Variants in B4GALT3 observed in about 807,000 individuals in gnomAD.
B4GALT3 encodes the protein N-acetyllactosamine synthase.
A neutral mutation model predicts 40.7 loss-of-function variants in B4GALT3; 29 were observed. The ratio of observed to expected loss-of-function variants is 0.71; its 90% CI spans 0.53 to 0.97. B4GALT3 has a LOEUF of 0.97. Ranked by LOEUF, B4GALT3 falls within the 50% of genes least tolerant of loss-of-function variation. B4GALT3 has a pLI of 0.00. For synonymous variants in B4GALT3, 182 were observed against 203.9 expected, an observed-to-expected ratio of 0.89 and a Z score of 0.92; for missense variants, 390 against 522.3, an observed-to-expected ratio of 0.75 and a Z score of 2.47.
Position 161,171,352 on chromosome 1 carries a change from G to A in B4GALT3, c.*464C>T. The A allele has an allele frequency of 8.9e-7, 1 of 1,118,058 alleles. No homozygotes were observed. The highest frequency in any genetic ancestry group is 2.6e-5 in the East Asian group (1 of 38,778). The allele number at this position is 1,118,058 out of a possible 1,614,324, so 69.3% of individuals were successfully genotyped here. A position where few individuals can be genotyped will look rare whatever the true frequency, so the allele number is the denominator to read the frequency against. ...TATTAGAAAATATATCAAAATCCCA[G>A]CCCCCTGAGCCAGGACCAGAAGAGG... is the stretch of plus-strand genomic sequence containing the variant. On this transcript the variant is annotated 3_prime_UTR_variant, in exon 8 of 8. Coordinates refer to ENST00000319769, the MANE Select transcript of B4GALT3 (RefSeq NM_003779.4).
chr1:161,176,415 A>C lies in B4GALT3; in HGVS notation c.-15+19T>G, dbSNP rs959269381. On this transcript the variant is annotated intron_variant, in intron 2 of 7. Transcript: ENST00000319769. ...GAGAACCCCCTCTTCCAATTTTAGA[A>C]GGGAAGAGATAGACTCACCTAGGTT... 2.5e-6 allele frequency: 1 copy of C among 403,006 alleles called. No individual in the cohort carries two copies. The highest frequency in any genetic ancestry group is 2.0e-5 in the African/African-American group (1 of 49,556). The allele number at this position is 403,006 out of a possible 1,614,324, so 25.0% of individuals were successfully genotyped here. A position where few individuals can be genotyped will look rare whatever the true frequency, so the allele number is the denominator to read the frequency against.
In B4GALT3 at chr1:161,174,084, G is replaced by A. The variant is rs146996565; in HGVS notation, c.490-35C>T. 15 of 1,600,186 alleles carry A rather than the reference G, an allele frequency of 9.4e-6. No individual in the cohort carries two copies. The African/African-American group carries it at 2.0e-4, about 21-fold the overall frequency. Reference sequence around the variant, plus strand: ...AATGGAGGGGAACCAGACTATGTCTGTAGGTGGCACGGAGAAAAGGGGGCT... The same window carrying A: ...AATGGAGGGGAACCAGACTATGTCTATAGGTGGCACGGAGAAAAGGGGGCT... On this transcript the variant is annotated intron_variant, in intron 4 of 7. Transcript: ENST00000319769.
rs545793396 is a variant in B4GALT3 at position 161,176,543 on chromosome 1, G to T, written c.-124C>A. ...GAAATGTCACAGAGGGCAGAGAAAGGCTCCATCCAGCACTCCAGCAGCGAA... is the reference window on the plus strand; with the variant it reads ...GAAATGTCACAGAGGGCAGAGAAAGTCTCCATCCAGCACTCCAGCAGCGAA... On this transcript the variant is annotated 5_prime_UTR_variant, in exon 2 of 8. Coordinates refer to ENST00000319769, the MANE Select transcript of B4GALT3 (RefSeq NM_003779.4). The T allele has an allele frequency of 2.6e-4, 115 of 446,958 alleles. 1 individual carries two copies. The South Asian group carries it at 3.1e-3, about 12-fold the overall frequency. The allele number at this position is 446,958 out of a possible 1,614,324, so 27.7% of individuals were successfully genotyped here. A position where few individuals can be genotyped will look rare whatever the true frequency, so the allele number is the denominator to read the frequency against.
intron 4 of B4GALT3, 97 bp from the exon 5 acceptor site, chr1:161,174,146 G>A (rs562984900): frequency 1.1e-4 from 145 of 1,316,728 alleles, no homozygotes; most frequent in South Asian, 2.6e-4. Context: ...GGTGGCTTAC[G>A]CCTGTAATCC....
chr1:161,172,455 G>A, intron 6 of B4GALT3, 124 bp from the exon 7 acceptor site: 1 of 785,584 alleles, frequency 1.3e-6, no homozygotes, highest in African/African-American at 1.8e-5. Context: ...AAAAAGCCCA[G>A]GACAGAAGTC....
intron 4 of B4GALT3, 69 bp from the exon 5 acceptor site, chr1:161,174,118 A>T: frequency 6.5e-7 from 1 of 1,537,024 alleles, no homozygotes; most frequent in Non-Finnish European, 8.8e-7. Context: ...CTAAAGAATA[A>T]AAGTGAAGGC....
Position 161,171,881 on chromosome 1 carries a change from G to A in B4GALT3, c.1117C>T (p.Arg373Trp), listed in dbSNP as rs764183520. 4.6e-5 allele frequency: 75 copies of A among 1,614,166 alleles called. 2 individuals are homozygous for A. In the Middle Eastern group the frequency reaches 1.8e-3, roughly 39 times the overall value. Residue 373 changes from arginine (R) to tryptophan (W), a missense_variant, in exon 8 of 8, where the codon CGG becomes TGG. Physicochemically the swap from Arg to Trp is moderately radical, Grantham distance 101. Around this residue, in one of 3 missense-constraint regions of B4GALT3, gnomAD observed 72 missense variants for 71.3 expected, o/e 1.01. Coordinates refer to ENST00000319769, the MANE Select transcript of B4GALT3 (RefSeq NM_003779.4). ...AGAGGCCCAGGCCTGGCTGGGGGCC[G>A]GCGTTGCAGCATCTCTTGACGGAAG... ...QAFRQEMLQR[R>W]PPARPGPLST... is the part of the protein sequence containing the mutation.
rs779168719 is a variant in B4GALT3, at chr1:161,173,546, T to C, written c.803+59A>G. ...GTTGAAGGGCTATGGTCAAAGGTGG[T>C]CTTAGAGGACAGGGATCCAGACTGG... On this transcript the variant is annotated intron_variant, in intron 6 of 7. Coordinates refer to ENST00000319769, the MANE Select transcript of B4GALT3 (RefSeq NM_003779.4). 930 of 1,610,328 alleles carry C rather than the reference T, an allele frequency of 5.8e-4. 2 individuals are homozygous for C. Among genetic ancestry groups the C allele is most frequent in the Non-Finnish European group, 7.1e-4 (842 of 1,178,750 alleles).
intron 4 of B4GALT3, 193 bp downstream of exon 4, chr1:161,174,800 A>AT (rs1238323409): frequency 1.1e-5 from 7 of 612,712 alleles, no homozygotes; most frequent in Non-Finnish European, 2.0e-5. Context: ...GACAGTGGGA[A>AT]TAACCTAAGC....
chr1:161,174,113 G>A lies in B4GALT3; in HGVS notation c.490-64C>T. On this transcript the variant is annotated intron_variant, in intron 4 of 7. Coordinates refer to ENST00000319769, the MANE Select transcript of B4GALT3 (RefSeq NM_003779.4). ...GTGGCACGGAGAAAAGGGGGCTAAA[G>A]AATAAAAGTGAAGGCCGGGCGCGGT... 3.2e-6 allele frequency: 5 copies of A among 1,546,108 alleles called. No individual in the cohort carries two copies. The South Asian group carries it at 3.6e-5, about 11-fold the overall frequency.
rs562511110 is a variant in B4GALT3 at position 161,176,413 on chromosome 1, G to T, written c.-15+21C>A. On this transcript the variant is annotated intron_variant, in intron 2 of 7. Transcript: ENST00000319769. The stretch of plus-strand genomic sequence containing the variant: ...TAGAGAACCCCCTCTTCCAATTTTA[G>T]AAGGGAAGAGATAGACTCACCTAGG... 123 of 403,744 alleles carry T rather than the reference G, an allele frequency of 3.0e-4. 3 individuals carry two copies. In the South Asian group the frequency reaches 3.1e-3, roughly 10 times the overall value. The allele number at this position is 403,744 out of a possible 1,614,324, so 25.0% of individuals were successfully genotyped here. A position where few individuals can be genotyped will look rare whatever the true frequency, so the allele number is the denominator to read the frequency against.
chr1:161,172,170 G>C, intron 7 of B4GALT3, 57 bp downstream of exon 7: 1 of 1,611,978 alleles, frequency 6.2e-7, no homozygotes, highest in Non-Finnish European at 8.5e-7. Flanking sequence ...CCTGGCTAGG[G>C]GTACAGAACC....
At chr1:161,175,291 G>GT in intron 3 of B4GALT3, 63 bp from the exon 4 acceptor site, 1 of 1,446,364 alleles carries the variant, frequency 6.9e-7, no homozygotes, top group Non-Finnish European at 9.6e-7. Context: ...TCAAACTAGG[G>GT]TTTGGGAATA....
Position 161,173,616 on chromosome 1 carries a change from G to A in B4GALT3, c.792C>T (p.Asp264=), listed in dbSNP as rs768145063. 6.2e-7 allele frequency: 1 copy of A among 1,614,064 alleles called. No individual in the cohort carries two copies. The highest frequency in any genetic ancestry group is 8.5e-7 in the Non-Finnish European group (1 of 1,180,014). ...EYWGWGGEDD[D]IATRVRLAGM... ...GCAGGAAGTCTGACCTGGTAGCAAT[G>A]TCGTCATCCTCACCACCCCAGCCCC... The change falls in exon 6 of 8, where the codon GAC becomes GAT. Residue 264 remains aspartate (D), a synonymous_variant. Transcript: ENST00000319769.
intron 6 of B4GALT3, among the ~76,000 whole-genome samples, chr1:161,172,666 T>G (rs1194185329): frequency 6.9e-6 from 1 of 143,986 alleles, no homozygotes; most frequent in Non-Finnish European, 1.5e-5. Context: ...AAGAGAAGAC[T>G]GGGAGTTGCT....
intron 4 of B4GALT3, chr1:161,174,787 T>C (rs1272156324): frequency 3.4e-6 from 2 of 593,236 alleles, no homozygotes; most frequent in Non-Finnish European, 5.9e-6. Flanking sequence ...CAGGAGAGTG[T>C]AGGACAGTGG....
intron 4 of B4GALT3, among the ~76,000 whole-genome samples, chr1:161,174,315 G>A (rs1186497354): frequency 3.3e-5 from 5 of 151,638 alleles, no homozygotes; most frequent in African/African-American, 4.8e-5. Context: ...GCTGAGGCAG[G>A]AGAATGGCGT....
Position 161,173,855 on chromosome 1 carries a change from C to A in B4GALT3, c.680+4G>T. On this transcript the variant is annotated splice_donor_region_variant and intron_variant, in intron 5 of 7. Transcript: ENST00000319769. ...GTTTCCCAGTACCCTTCCATGCCCT[C>A]TACCTGTATCCAAACTTGTTCATAG... 6.2e-7 allele frequency: 1 copy of A among 1,613,506 alleles called. No homozygotes were observed. The highest frequency in any genetic ancestry group is 1.1e-5 in the South Asian group (1 of 91,008).
At position 161,173,199 on chromosome 1, in the gene B4GALT3, T is replaced by C. The variant is rs150161971; in HGVS notation, c.803+406A>G. On this transcript the variant is annotated intron_variant, in intron 6 of 7. Coordinates refer to ENST00000319769, the MANE Select transcript of B4GALT3 (RefSeq NM_003779.4). ...GAATGTTTCACATGCTAAAAATGAG[T>C]TGGCCCTGTGCCAATGGCACAGGCC... Among the ~76,000 whole-genome samples, 80 of 152,270 alleles carry C rather than the reference T, an allele frequency of 5.3e-4. 1 individual carries two copies. The highest frequency in any genetic ancestry group is 1.8e-3 in the African/African-American group (76 of 41,576).
Sources: gnomAD v4.1 joint callset for allele counts (sites outside exome capture counted in the v4.1 genomes callset) on GRCh38, gnomAD v4.1.1 for gene constraint, gnomAD v4.1.1 regional missense constraint, MANE v1.5 for transcripts, NCBI Gene and HGNC (gene_info 2026-07-23, HGNC 2026-07-21) for gene names.